The following TAFA1 variants were observed in gnomAD, a reference collection of about 807,000 sequenced individuals.
TAFA1 encodes chemokine-like protein TAFA-1.
TAFA1 carries 4 observed loss-of-function variants against 18.5 expected under a neutral mutation model. The observed-to-expected ratio is 0.22, with a 90% CI of 0.11 to 0.49. TAFA1 has a LOEUF of 0.49. TAFA1 is among the 20% of genes least tolerant of loss of function. TAFA1 has a pLI of 0.98. For synonymous variants in TAFA1, 56 were observed against 55.2 expected (o/e 1.01, Z -0.06); for missense variants, 147 against 169.0 (o/e 0.87, Z 0.72).
intron 2 of TAFA1, among the ~76,000 whole-genome samples, chr3:68,017,205 A>G (rs965831098): frequency 6.6e-6 from 1 of 152,222 alleles, no homozygotes; most frequent in African/African-American, 2.4e-5. Context: ...GTCTTATTAA[A>G]ATGAATTGGT....
At chr3:68,429,215 A>T (rs1348640280) in intron 3 of TAFA1, among the ~76,000 whole-genome samples, 1 of 151,898 alleles carries the variant, frequency 6.6e-6, no homozygotes, top group Admixed American at 6.6e-5. Context: ...CCTGGCAATG[A>T]TCTTCTCAAC....
At chr3:68,508,733 A>G (rs192786941) in intron 3 of TAFA1, among the ~76,000 whole-genome samples, 8 of 152,240 alleles carry the variant, frequency 5.3e-5, no homozygotes, top group Admixed American at 4.6e-4. Flanking sequence ...AAATCAGGAA[A>G]TTATAGTGCA....
At chr3:68,530,719 T>G (rs906672696) in intron 3 of TAFA1, among the ~76,000 whole-genome samples, 1 of 152,154 alleles carries the variant, frequency 6.6e-6, no homozygotes, top group African/African-American at 2.4e-5. Flanking sequence ...TGTGGGAATT[T>G]CTATTAAAAT....
chr3:68,350,167 C>T (rs905842609), intron 2 of TAFA1, among the ~76,000 whole-genome samples: 2 of 152,140 alleles, frequency 1.3e-5, no homozygotes, highest in East Asian at 3.9e-4. Context: ...AATTGGTACT[C>T]AGCGCCTCAA....
At chr3:68,385,753 C>T (rs1052047304) in intron 2 of TAFA1, among the ~76,000 whole-genome samples, 2 of 151,850 alleles carry the variant, frequency 1.3e-5, no homozygotes, top group Non-Finnish European at 2.9e-5. Flanking sequence ...CCTACTGGAA[C>T]ACAGTCACAC....
chr3:68,036,572 C>T (rs1705054220), intron 2 of TAFA1, among the ~76,000 whole-genome samples: 1 of 152,138 alleles, frequency 6.6e-6, no homozygotes, highest in South Asian at 2.1e-4. Context: ...AGCCTGTCAC[C>T]TCTCTTTCAA....
In TAFA1 at chr3:68,325,283, G is replaced by A. The variant is rs75099404; in HGVS notation, c.119-91997G>A. On this transcript the variant is annotated intron_variant, in intron 2 of 4. Coordinates refer to ENST00000478136, the MANE Select transcript of TAFA1 (RefSeq NM_213609.4). ...CACATATCTTTCCCTGTAGAGCGAC[G>A]TGGTTGGGAGCCCGAGTTAAGAGCC... is the stretch of plus-strand genomic sequence containing the variant. Among the ~76,000 whole-genome samples, 1,565 of 152,272 alleles carry A rather than the reference G, an allele frequency of 0.01. 84 individuals carry two copies. The East Asian group carries it at 0.17, about 16-fold the overall frequency.
intron 3 of TAFA1, among the ~76,000 whole-genome samples, chr3:68,437,403 G>C (rs1328124792): frequency 1.3e-5 from 2 of 152,118 alleles, no homozygotes; most frequent in African/African-American, 4.8e-5. Context: ...TTGCTTGTAA[G>C]AGAATATCTG....
chr3:68,155,645 A>T (rs2065859399), intron 2 of TAFA1, among the ~76,000 whole-genome samples: 1 of 152,114 alleles, frequency 6.6e-6, no homozygotes, highest in Non-Finnish European at 1.5e-5. Context: ...CCCTTTTAAA[A>T]GTCTTGGGCC....
At chr3:68,099,763 T>C (rs532876847) in intron 2 of TAFA1, among the ~76,000 whole-genome samples, 3 of 152,076 alleles carry the variant, frequency 2.0e-5, no homozygotes, top group Non-Finnish European at 4.4e-5. Flanking sequence ...CCATCAAGAA[T>C]GGATTGGACA....
intron 2 of TAFA1, among the ~76,000 whole-genome samples, chr3:68,061,688 A>AAGGG (rs2064604052): frequency 1.3e-5 from 2 of 152,218 alleles, no homozygotes; most frequent in South Asian, 4.1e-4. Flanking sequence ...AGTGTCTTGA[A>AAGGG]AGGGAAGTAG....
chr3:68,457,933 T>G (rs1057429877), intron 3 of TAFA1, among the ~76,000 whole-genome samples: 1 of 152,132 alleles, frequency 6.6e-6, no homozygotes, highest in Non-Finnish European at 1.5e-5. Flanking sequence ...AGACCATGAT[T>G]TGAAATACTT....
intron 2 of TAFA1, among the ~76,000 whole-genome samples, chr3:68,088,296 C>A (rs2064994349): frequency 6.6e-6 from 1 of 152,192 alleles, no homozygotes; most frequent in African/African-American, 2.4e-5. Context: ...CTATCAGGCT[C>A]AGAATTTATC....
chr3:68,245,291 T>A (rs1202278400), intron 2 of TAFA1, among the ~76,000 whole-genome samples: 1 of 152,230 alleles, frequency 6.6e-6, no homozygotes, highest in Admixed American at 6.5e-5. Context: ...ACTTGGTTTG[T>A]ATTTAACAGA....
At chr3:68,131,004 G>A (rs1302241125) in intron 2 of TAFA1, among the ~76,000 whole-genome samples, 2 of 152,128 alleles carry the variant, frequency 1.3e-5, no homozygotes, top group Non-Finnish European at 2.9e-5. Context: ...CACGAAAACA[G>A]GGAGCTTTTT....
At chr3:68,372,514 G>C (rs1203991188) in intron 2 of TAFA1, among the ~76,000 whole-genome samples, 2 of 152,126 alleles carry the variant, frequency 1.3e-5, no homozygotes, top group African/African-American at 4.8e-5. Flanking sequence ...CCAATCTTTG[G>C]TGTTCCTCTG....
intron 2 of TAFA1, among the ~76,000 whole-genome samples, chr3:68,383,973 T>G (rs2070035643): frequency 6.6e-6 from 1 of 152,164 alleles, no homozygotes; most frequent in Non-Finnish European, 1.5e-5. Flanking sequence ...ATAGAGGTAT[T>G]CATAATATTT....
Position 68,544,649 on chromosome 3 carries a change from T to G in TAFA1, c.*146T>G, listed in dbSNP as rs1190003742. The G allele has an allele frequency of 6.6e-6, 5 of 758,804 alleles. No homozygotes were observed. Among genetic ancestry groups the G allele is most frequent in the Non-Finnish European group, 1.1e-5 (5 of 455,976 alleles). The allele number at this position is 758,804 out of a possible 1,614,324, so 47.0% of individuals were successfully genotyped here. On this transcript the variant is annotated 3_prime_UTR_variant, in exon 5 of 5. Coordinates refer to ENST00000478136, the MANE Select transcript of TAFA1 (RefSeq NM_213609.4). ...AGATAATCACAGTGCGTTTACTGTG[T>G]GTAACGAAATATCCTACAGTGAGAA...
At chr3:68,254,149 C>G (rs76879643) in intron 2 of TAFA1, among the ~76,000 whole-genome samples, 78 of 100,838 alleles carry the variant, frequency 7.7e-4, no homozygotes, top group East Asian at 2.1e-3. Context: ...ATCTATCTAT[C>G]TATCTATCTG....
Sources: allele counts gnomAD v4.1 joint callset (sites outside exome capture counted in the v4.1 genomes callset), GRCh38; gene constraint gnomAD v4.1.1; transcripts MANE v1.5; gene names NCBI Gene and HGNC (gene_info 2026-07-23, HGNC 2026-07-21).